The following FERMT2 variants were observed in gnomAD, a reference collection of about 807,000 sequenced individuals.
The protein encoded by FERMT2 is fermitin family homolog 2.
FERMT2 carries 15 observed loss-of-function variants against 82.7 expected under a neutral mutation model. The observed-to-expected ratio is 0.18, with a 90% confidence interval of 0.12 to 0.28. The LOEUF is 0.28. Ranked by LOEUF, FERMT2 falls within the 10% of genes least tolerant of loss-of-function variation. The probability of loss-of-function intolerance (pLI) is 1.00; values close to 1 mark genes in which losing one functional copy is unlikely to be tolerated. For synonymous variants in FERMT2, 274 were observed against 271.5 expected (o/e 1.01, Z -0.09); for missense variants, 645 against 809.4 (o/e 0.80, Z 2.46).
In FERMT2 at chr14:52,860,590, C is replaced by T. The variant is rs143992413; in HGVS notation, c.1603-125G>A. The T allele has an allele frequency of 7.1e-4, 545 of 767,960 alleles. 1 individual carries two copies. The African/African-American group carries it at 8.6e-3, about 12-fold the overall frequency. 47.6% of individuals were successfully genotyped at this position (767,960 alleles called of 1,614,324 possible). On this transcript the variant is annotated intron_variant, in intron 12 of 14. Coordinates refer to ENST00000341590, the MANE Select transcript of FERMT2 (RefSeq NM_006832.3). Reference sequence around the variant, plus strand: ...AAAATCATATTGTAAGAGTTGAAATCAAAATATCTGAAGCTACATTTGGAC... The same window carrying T: ...AAAATCATATTGTAAGAGTTGAAATTAAAATATCTGAAGCTACATTTGGAC...
chr14:52,863,711 C>T (rs895321894), intron 12 of FERMT2: 2 of 152,042 alleles, frequency 1.3e-5, no homozygotes, highest in Admixed American at 6.6e-5. Flanking sequence ...AGAAAAGACA[C>T]GGCTAAAAAT....
chr14:52,892,449 G>GTTTTTTT lies in FERMT2; in HGVS notation c.526+843_526+844insAAAAAAA, dbSNP rs1566733870. Among the ~76,000 whole-genome samples, 105 of 45,872 alleles carry GTTTTTTT rather than the reference G, an allele frequency of 2.3e-3. 5 individuals are homozygous for GTTTTTTT. In the South Asian group the frequency reaches 0.082, roughly 36 times the overall value. The allele number at this position is 45,872 out of a possible 152,430, so 30.1% of individuals were successfully genotyped here. On this transcript the variant is annotated intron_variant, in intron 4 of 14. Coordinates refer to ENST00000341590, the MANE Select transcript of FERMT2 (RefSeq NM_006832.3). ...GAGCCACAGTACCCCGCCTGGTGCT[G>GTTTTTTT]TTTTTTGTTTTTTTTTTTTTTTGAG...
chr14:52,897,976 C>CGAA (rs1887389560), intron 3 of FERMT2, among the ~76,000 whole-genome samples: 1 of 93,492 alleles, frequency 1.1e-5, no homozygotes, highest in African/African-American at 4.8e-5. Context: ...AACTCCGTCT[C>CGAA]AAAAAAAAAA....
In FERMT2 at chr14:52,878,648, T is replaced by C. The variant is rs2140110334; in HGVS notation, c.897A>G (p.Lys299=). Residue 299 remains lysine (K), a synonymous_variant, in exon 7 of 15, where the codon AAA becomes AAG. Coordinates refer to ENST00000341590, the MANE Select transcript of FERMT2 (RefSeq NM_006832.3). The part of the protein sequence containing the change: ...IRINQLYEQA[K]WAILLEEIEC... ...CAATCTCTTCCAGGAGAATGGCCCA[T>C]TTGGCCTGCTCGTAAAGCTGATTGA... 2 of 1,608,800 alleles carry C rather than the reference T, an allele frequency of 1.2e-6. No homozygotes were observed. Among genetic ancestry groups the C allele is most frequent in the Middle Eastern group, 3.3e-4 (2 of 6,036 alleles).
At chr14:52,869,883 T>C (rs879584619) in intron 10 of FERMT2, among the ~76,000 whole-genome samples, 1 of 152,124 alleles carries the variant, frequency 6.6e-6, no homozygotes, top group Non-Finnish European at 1.5e-5. Context: ...GACAGTGATA[T>C]TGATGATCCC....
chr14:52,926,026 ACAGACTATG>A (rs1889249433), intron 2 of FERMT2, among the ~76,000 whole-genome samples: 1 of 152,196 alleles, frequency 6.6e-6, no homozygotes. Flanking sequence ...TTAAATCATA[ACAGACTATG>A]CAACTGTAAC....
intron 3 of FERMT2, among the ~76,000 whole-genome samples, chr14:52,894,904 C>A (rs867561453): frequency 6.8e-5 from 10 of 148,040 alleles, no homozygotes; most frequent in African/African-American, 2.5e-4. Flanking sequence ...AAAAAAAAAC[C>A]CCAACCTACC....
At chr14:52,934,462 G>A (rs542463138) in intron 2 of FERMT2, among the ~76,000 whole-genome samples, 1 of 152,270 alleles carries the variant, frequency 6.6e-6, no homozygotes, top group Non-Finnish European at 1.5e-5. Context: ...TTTATGCCTT[G>A]GCAAGCTGTC....
rs35563714 is a variant in FERMT2 at position 52,906,946 on chromosome 14, TGGG to T, written c.391+12174_391+12176del. ...AAGACAACTGAGGGACATCAATTAT[TGGG>T]GGGGGGGGGGGAATTTAGAATTCTT... On this transcript the variant is annotated intron_variant, in intron 3 of 14. Transcript: ENST00000341590. 3.2e-3 allele frequency among the ~76,000 whole-genome samples: 148 copies of T among 46,200 alleles called. 3 individuals are homozygous for T. Among genetic ancestry groups the T allele is most frequent in the African/African-American group, 0.011 (137 of 12,762 alleles). 30.3% of individuals were successfully genotyped at this position (46,200 alleles called of 152,430 possible). A position where few individuals can be genotyped will look rare whatever the true frequency, so the allele number is the denominator to read the frequency against.
chr14:52,873,090 T>C (rs1434935098), intron 9 of FERMT2, among the ~76,000 whole-genome samples, 167 bp from the exon 10 acceptor site: 1 of 152,214 alleles, frequency 6.6e-6, no homozygotes, highest in Non-Finnish European at 1.5e-5. Flanking sequence ...TGTTACTGGA[T>C]GCGAGCCTCC....
At position 52,860,338 on chromosome 14, in the gene FERMT2, G is replaced by C; in HGVS notation, c.1727+3C>G. The C allele has an allele frequency of 6.2e-7, 1 of 1,613,494 alleles. No homozygotes were observed. Among genetic ancestry groups the C allele is most frequent in the Non-Finnish European group, 8.5e-7 (1 of 1,179,786 alleles). ...TTACACATAGATGCTTAGAACCACT[G>C]ACCTTGCAATGAAGTGAGTGATGCC... On this transcript the variant is annotated splice_donor_region_variant and intron_variant, in intron 13 of 14. Transcript: ENST00000341590.
intron 3 of FERMT2, among the ~76,000 whole-genome samples, chr14:52,907,086 C>G (rs1888055501): frequency 6.6e-6 from 1 of 152,100 alleles, no homozygotes; most frequent in South Asian, 2.1e-4. Context: ...AATCTCAACT[C>G]ACTACAACCT....
chr14:52,860,418 A>G lies in FERMT2; in HGVS notation c.1650T>C (p.Ser550=), dbSNP rs780980333. Reference sequence around the variant, plus strand: ...TAAATCTCATCTTGGCTTCAATTAGACTCATCTGAGCTACATTCTGATGGG... The same window carrying G: ...TAAATCTCATCTTGGCTTCAATTAGGCTCATCTGAGCTACATTCTGATGGG... The part of the protein sequence containing the change: ...LEAHQNVAQM[S]LIEAKMRFIQ... The change falls in exon 13 of 15, where the codon AGT becomes AGC. Residue 550 remains serine, a synonymous_variant. Transcript: ENST00000341590. 7.4e-6 allele frequency: 12 copies of G among 1,613,428 alleles called. No homozygotes were observed. Among genetic ancestry groups the G allele is most frequent in the Non-Finnish European group, 1.0e-5 (12 of 1,179,658 alleles).
intron 2 of FERMT2, among the ~76,000 whole-genome samples, chr14:52,926,986 G>A (rs1315516666): frequency 2.5e-4 from 38 of 151,982 alleles, no homozygotes; most frequent in Admixed American, 6.6e-5. Context: ...CCATCACACC[G>A]TATCACGTGC....
chr14:52,893,448 T>G, intron 3 of FERMT2, 21 bp from the exon 4 acceptor site: 1 of 1,554,154 alleles, frequency 6.4e-7, no homozygotes, highest in South Asian at 1.2e-5. Flanking sequence ...AATAGATTGT[T>G]TTACTAGAAC....
chr14:52,858,424 T>C lies in FERMT2; in HGVS notation c.1996A>G (p.Ser666Gly). ...TTGTAGAACATCTCTTCATCTAAAC[T>C]CTCGTTTTGGTCTTTTGCACGTGTT... is the stretch of plus-strand genomic sequence containing the variant. ...LSTRAKDQNE[S>G]LDEEMFYKLT... The change falls in exon 15 of 15, where the codon AGT becomes GGT. Residue 666 changes from serine to glycine, a missense_variant. Coordinates refer to ENST00000341590, the MANE Select transcript of FERMT2 (RefSeq NM_006832.3). 6.2e-7 allele frequency: 1 copy of C among 1,614,150 alleles called. No individual in the cohort carries two copies. Among genetic ancestry groups the C allele is most frequent in the Non-Finnish European group, 8.5e-7 (1 of 1,180,008 alleles).
intron 2 of FERMT2, among the ~76,000 whole-genome samples, chr14:52,939,242 G>A (rs1595021877): frequency 2.0e-5 from 3 of 149,690 alleles, no homozygotes; most frequent in Admixed American, 6.7e-5. Flanking sequence ...GCATGGTGGT[G>A]CGTGCCTGTA....
chr14:52,940,815 C>A (rs555443662), intron 2 of FERMT2, among the ~76,000 whole-genome samples: 1 of 152,234 alleles, frequency 6.6e-6, no homozygotes, highest in Admixed American at 6.5e-5. Context: ...TTAAAACAAA[C>A]GACACTAAAT....
chr14:52,911,341 G>C (rs898515373), intron 3 of FERMT2, among the ~76,000 whole-genome samples: 1 of 152,012 alleles, frequency 6.6e-6, no homozygotes, highest in Non-Finnish European at 1.5e-5. Flanking sequence ...ATTATAATTA[G>C]TTCTTGAGCT....
Sources: gnomAD v4.1 joint callset for allele counts (sites outside exome capture counted in the v4.1 genomes callset) on GRCh38, gnomAD v4.1.1 for gene constraint, MANE v1.5 for transcripts, NCBI Gene and HGNC (gene_info 2026-07-23, HGNC 2026-07-21) for gene names.